Variants in RBMS2 observed in about 807,000 individuals in gnomAD.
RBMS2 encodes RNA binding motif single stranded interacting protein 2.
A neutral mutation model predicts 58.4 loss-of-function variants in RBMS2; 38 were observed. That is an observed-to-expected ratio of 0.65 (90% confidence interval 0.50 to 0.85). The LOEUF is 0.85. Ranked by LOEUF, RBMS2 falls within the 40% of genes least tolerant of loss-of-function variation. The probability of loss-of-function intolerance (pLI) is 0.00; values close to 1 mark genes in which losing one functional copy is unlikely to be tolerated. For missense variants in RBMS2, 367 were observed against 503.7 expected, an observed-to-expected ratio of 0.73 and a Z score of 2.60; for synonymous variants, 151 against 180.7, an observed-to-expected ratio of 0.84 and a Z score of 1.32.
chr12:56,569,295 C>T (rs528855000), intron 3 of RBMS2, among the ~76,000 whole-genome samples: 1 of 152,244 alleles, frequency 6.6e-6, no homozygotes, highest in South Asian at 2.1e-4. Flanking sequence ...TTTGTATTTC[C>T]CTGGATGAGG....
chr12:56,525,198 A>T (rs1475724962), intron 1 of RBMS2, among the ~76,000 whole-genome samples: 7 of 152,038 alleles, frequency 4.6e-5, no homozygotes, highest in Non-Finnish European at 8.8e-5. Flanking sequence ...TGTATTTTCC[A>T]TACTCAGTTA....
chr12:56,529,457 G>A (rs1434368757), intron 1 of RBMS2, among the ~76,000 whole-genome samples: 5 of 151,978 alleles, frequency 3.3e-5, no homozygotes, highest in Non-Finnish European at 5.9e-5. Context: ...CCAGCTACTC[G>A]GAAGGCTGAG....
rs116176487 is a variant in RBMS2, at chr12:56,534,512, C to A, written c.66+12423C>A. ...ATTTGTCATAGATTTACATCCTTTC[C>A]ATTTTTTGATAATGTCAGACTTCTC... On this transcript the variant is annotated intron_variant, in intron 1 of 13. Coordinates refer to ENST00000262031, the MANE Select transcript of RBMS2 (RefSeq NM_002898.4). Among the ~76,000 whole-genome samples, 1,298 of 152,258 alleles carry A rather than the reference C, an allele frequency of 8.5e-3. 20 individuals are homozygous for A. Among genetic ancestry groups the A allele is most frequent in the African/African-American group, 0.03 (1,231 of 41,540 alleles).
chr12:56,568,611 A>G (rs1034515558), intron 2 of RBMS2, among the ~76,000 whole-genome samples: 5 of 146,832 alleles, frequency 3.4e-5, no homozygotes, highest in African/African-American at 1.3e-4. Context: ...ATCTTGGCTC[A>G]CTGCAACCTC....
At chr12:56,562,817 T>C (rs896659369) in intron 2 of RBMS2, among the ~76,000 whole-genome samples, 1 of 152,126 alleles carries the variant, frequency 6.6e-6, no homozygotes, top group African/African-American at 2.4e-5. Flanking sequence ...CTCAGCAGCC[T>C]CTTAAAAAAT....
chr12:56,579,989 G>T (rs1883692143), intron 5 of RBMS2, among the ~76,000 whole-genome samples: 1 of 152,206 alleles, frequency 6.6e-6, no homozygotes, highest in South Asian at 2.1e-4. Context: ...GAGTGCAGTG[G>T]CATGATCTCA....
intron 5 of RBMS2, among the ~76,000 whole-genome samples, chr12:56,578,231 C>T (rs192419393): frequency 3.9e-5 from 6 of 152,126 alleles, no homozygotes; most frequent in East Asian, 3.9e-4. Flanking sequence ...CGGGTTCAGG[C>T]GATTCTTGTG....
chr12:56,570,075 A>G, intron 4 of RBMS2, 85 bp downstream of exon 4: 1 of 1,290,958 alleles, frequency 7.7e-7, no homozygotes, highest in Non-Finnish European at 1.1e-6. Flanking sequence ...AGAGGGCTTA[A>G]GAACCATGAA....
upstream of RBMS2, among the ~76,000 whole-genome samples, chr12:56,520,615 T>G (rs907381417): frequency 3.3e-5 from 5 of 152,234 alleles, no homozygotes; most frequent in Non-Finnish European, 7.3e-5. Context: ...TACAAAGACA[T>G]TCTTTGGAAA....
chr12:56,594,660 C>A lies in RBMS2; in HGVS notation c.*5527C>A, dbSNP rs1220669902. Reference sequence around the variant, plus strand: ...GCAGCTAAAACCAGACTGTGAGCTTCTGTCTCCGTTCTGATTTTTGCTGCA... The same window carrying A: ...GCAGCTAAAACCAGACTGTGAGCTTATGTCTCCGTTCTGATTTTTGCTGCA... On this transcript the variant is annotated 3_prime_UTR_variant, in exon 14 of 14. Transcript: ENST00000262031. 1.3e-5 allele frequency: 2 copies of A among 152,200 alleles called. No homozygotes were observed. Among genetic ancestry groups the A allele is most frequent in the Non-Finnish European group, 2.9e-5 (2 of 68,058 alleles). The allele number at this position is 152,200 out of a possible 1,614,324, so 9.4% of individuals were successfully genotyped here.
At chr12:56,564,092 C>A (rs527680876) in intron 2 of RBMS2, among the ~76,000 whole-genome samples, 1 of 150,798 alleles carries the variant, frequency 6.6e-6, no homozygotes, top group African/African-American at 2.4e-5. Flanking sequence ...AGATTATAGG[C>A]GCACGCCACC....
rs1592523510 is a variant in RBMS2 at position 56,589,352 on chromosome 12, T to C, written c.*219T>C. ...TGATGGAGCCTGGGGGAACCATCACTTTTTTTGTGTGCTACATTCAAGGAG... is the reference window on the plus strand; with the variant it reads ...TGATGGAGCCTGGGGGAACCATCACCTTTTTTGTGTGCTACATTCAAGGAG... On this transcript the variant is annotated 3_prime_UTR_variant, in exon 14 of 14. Transcript: ENST00000262031. The C allele has an allele frequency of 2.2e-5, 27 of 1,201,800 alleles. No homozygotes were observed. The South Asian group carries it at 3.4e-4, about 15-fold the overall frequency. 74.4% of individuals were successfully genotyped at this position (1,201,800 alleles called of 1,614,324 possible).
intron 3 of RBMS2, among the ~76,000 whole-genome samples, chr12:56,569,381 TGGG>T (rs760233304): frequency 2.9e-4 from 44 of 151,986 alleles, no homozygotes; most frequent in Non-Finnish European, 5.0e-4. Context: ...AGTGTTTTGG[TGGG>T]TGTTATTTTC....
At position 56,589,499 on chromosome 12, in the gene RBMS2, T is replaced by G; in HGVS notation, c.*366T>G. 4.2e-6 allele frequency: 1 copy of G among 235,482 alleles called. No individual in the cohort carries two copies. The allele number at this position is 235,482 out of a possible 1,614,324, so 14.6% of individuals were successfully genotyped here. On this transcript the variant is annotated 3_prime_UTR_variant, in exon 14 of 14. Transcript: ENST00000262031. ...CTCATCTATATGAAAAAGTTTTCGA[T>G]GTATTGGAATTATTTGGGAATGCTT...
At chr12:56,524,489 C>T (rs1024098989) in intron 1 of RBMS2, among the ~76,000 whole-genome samples, 3 of 151,294 alleles carry the variant, frequency 2.0e-5, no homozygotes, top group African/African-American at 2.4e-5. Flanking sequence ...GTGATCTCAG[C>T]TCACTGCAGC....
chr12:56,546,272 C>G (rs1302201171), intron 1 of RBMS2, among the ~76,000 whole-genome samples: 1 of 148,660 alleles, frequency 6.7e-6, no homozygotes, highest in Non-Finnish European at 1.5e-5. Flanking sequence ...CACCCGCCAC[C>G]ATGGGTTATT....
chr12:56,577,406 C>T (rs1592483385), intron 5 of RBMS2, among the ~76,000 whole-genome samples: 1 of 151,296 alleles, frequency 6.6e-6, no homozygotes, highest in Admixed American at 6.6e-5. Context: ...AGCGAAACTC[C>T]ATCTCAAAAA....
chr12:56,524,941 T>G (rs1481193366), intron 1 of RBMS2, among the ~76,000 whole-genome samples: 2 of 151,782 alleles, frequency 1.3e-5, no homozygotes, highest in Non-Finnish European at 2.9e-5. Flanking sequence ...AGGCTGGTCT[T>G]GAACTCCTGA....
chr12:56,594,185 A>G lies in RBMS2; in HGVS notation c.*5052A>G, dbSNP rs936894787. The G allele has an allele frequency of 4.6e-5, 7 of 152,230 alleles. No individual in the cohort carries two copies. Among genetic ancestry groups the G allele is most frequent in the Non-Finnish European group, 1.0e-4 (7 of 68,052 alleles). 9.4% of individuals were successfully genotyped at this position (152,230 alleles called of 1,614,324 possible). A position where few individuals can be genotyped will look rare whatever the true frequency, so the allele number is the denominator to read the frequency against. ...CCCGTGGGCTGTTACTTTGCGTCAT[A>G]TGATGCTGTGAGAGGCCTTGCTGGA... On this transcript the variant is annotated 3_prime_UTR_variant, in exon 14 of 14. Transcript: ENST00000262031.
Sources: allele counts gnomAD v4.1 joint callset (sites outside exome capture counted in the v4.1 genomes callset), GRCh38; gene constraint gnomAD v4.1.1; transcripts MANE v1.5; gene names NCBI Gene and HGNC (gene_info 2026-07-23, HGNC 2026-07-21).